Variants in PRDM11 observed in about 807,000 individuals in gnomAD.
PRDM11 encodes PR/SET domain 11.
Under a neutral mutation model 97.8 loss-of-function variants are expected in PRDM11, and 20 were observed. The observed-to-expected ratio is 0.20, with a 90% CI of 0.14 to 0.30. PRDM11 has a LOEUF of 0.30. Among genes scored for constraint, PRDM11 ranks in the 10% least tolerant of loss-of-function variants. The pLI is 1.00. For missense variants in PRDM11, 1,139 were observed against 1,555.2 expected (o/e 0.73, Z 4.50); for synonymous variants, 599 against 637.7 (o/e 0.94, Z 0.91).
rs1565352080 is a variant in PRDM11 at position 45,227,201 on chromosome 11, C to A, written c.2576C>A (p.Ala859Glu). The A allele has an allele frequency of 6.5e-7, 1 of 1,533,982 alleles. No individual in the cohort carries two copies. The highest frequency in any genetic ancestry group is 2.4e-5 in the East Asian group (1 of 40,916). Residue 859 changes from alanine (A) to glutamate (E), a missense_variant, in exon 8 of 8, where the codon GCA (alanine) becomes GAA (glutamate). By Grantham distance (107) the Ala-to-Glu change is moderately radical. Coordinates refer to ENST00000683152, the MANE Select transcript of PRDM11 (RefSeq NM_001384648.1). This position sits in a 1 kb window ranked among gnomAD's most constrained non-coding sequence, Gnocchi z 8.0. ...LKEVSSQTQRADASAIALALL... is the reference protein window; with the variant it reads ...LKEVSSQTQREDASAIALALL... ...GAGGTCAGCAGCCAGACCCAGCGGGCAGACGCCTCGGCCATCGCACTGGCC... is the reference window on the plus strand; with the variant it reads ...GAGGTCAGCAGCCAGACCCAGCGGGAAGACGCCTCGGCCATCGCACTGGCC...
intron 1 of PRDM11, among the ~76,000 whole-genome samples, chr11:45,102,636 C>T (rs1388366324): frequency 3.3e-5 from 5 of 152,088 alleles, no homozygotes; most frequent in Non-Finnish European, 5.9e-5. Context: ...CCCCTTGCAC[C>T]GTGCCACAGC....
chr11:45,151,308 C>G (rs1851653759), intron 1 of PRDM11, among the ~76,000 whole-genome samples: 2 of 152,322 alleles, frequency 1.3e-5, no homozygotes, highest in East Asian at 1.9e-4. Flanking sequence ...GACCCTGGAG[C>G]TGTGCTGGAA....
intron 1 of PRDM11, among the ~76,000 whole-genome samples, chr11:45,167,011 ATTGT>A (rs1411965879): frequency 2.6e-5 from 4 of 152,124 alleles, no homozygotes; most frequent in Non-Finnish European, 5.9e-5. Context: ...GCTCATTCAT[ATTGT>A]TTGTTACTCT....
intron 1 of PRDM11, among the ~76,000 whole-genome samples, chr11:45,116,374 G>T (rs1852302504): frequency 6.6e-6 from 1 of 152,074 alleles, no homozygotes; most frequent in Non-Finnish European, 1.5e-5. Context: ...CATTCACCAA[G>T]ACATACCACA....
At chr11:45,162,463 G>A (rs1414023416) in intron 1 of PRDM11, among the ~76,000 whole-genome samples, 1 of 152,176 alleles carries the variant, frequency 6.6e-6, no homozygotes, top group Non-Finnish European at 1.5e-5. Flanking sequence ...CACAGAGCCT[G>A]CTGCTGGGTC....
intron 4 of PRDM11, among the ~76,000 whole-genome samples, chr11:45,184,572 C>A (rs1376402460): frequency 6.6e-6 from 1 of 152,074 alleles, no homozygotes; most frequent in Non-Finnish European, 1.5e-5. Context: ...GACTAACTGG[C>A]CTAAGGAAGG....
chr11:45,097,540 C>A (rs1343578722), intron 1 of PRDM11, among the ~76,000 whole-genome samples: 12 of 152,168 alleles, frequency 7.9e-5, no homozygotes, highest in African/African-American at 2.7e-4. Flanking sequence ...CAAGATCACA[C>A]AGGGGTAATG....
intron 7 of PRDM11, 137 bp downstream of exon 7, chr11:45,224,980 G>T (rs1483212956): frequency 6.6e-7 from 1 of 1,523,098 alleles, no homozygotes; most frequent in African/African-American, 1.4e-5. Flanking sequence ...TACCTCCGTG[G>T]GTGGGAGCCC....
At chr11:45,185,957 G>A (rs1852689726) in intron 4 of PRDM11, among the ~76,000 whole-genome samples, 1 of 151,918 alleles carries the variant, frequency 6.6e-6, no homozygotes, top group Non-Finnish European at 1.5e-5. Context: ...GGGATTGGAG[G>A]ATGCTGCTCT....
chr11:45,191,390 T>C (rs1852908433), intron 4 of PRDM11, among the ~76,000 whole-genome samples: 1 of 152,228 alleles, frequency 6.6e-6, no homozygotes, highest in Admixed American at 6.5e-5. Flanking sequence ...AAATGATTTT[T>C]CTATTTTTTC....
intron 1 of PRDM11, chr11:45,096,008 G>A: frequency 2.8e-6 from 2 of 705,966 alleles, no homozygotes; most frequent in South Asian, 3.0e-5. Context: ...GCCCCTGCTT[G>A]TTGTCATCTT....
At chr11:45,220,199 G>A (rs1005914032) in intron 6 of PRDM11, among the ~76,000 whole-genome samples, 17 of 152,324 alleles carry the variant, frequency 1.1e-4, no homozygotes, top group African/African-American at 3.8e-4. Flanking sequence ...TCAGAGGCCT[G>A]TTGGGTATCT....
At chr11:45,214,946 G>A (rs562557246) in intron 5 of PRDM11, among the ~76,000 whole-genome samples, 1 of 152,340 alleles carries the variant, frequency 6.6e-6, no homozygotes, top group South Asian at 2.1e-4. Flanking sequence ...AGGAAAGGAA[G>A]GGCATGCATG....
At chr11:45,225,594 A>C (rs575545939) in intron 7 of PRDM11, among the ~76,000 whole-genome samples, 1 of 152,320 alleles carries the variant, frequency 6.6e-6, no homozygotes, top group East Asian at 1.9e-4. Context: ...TGTTCACATT[A>C]ATGAAGGGCA....
In PRDM11 at chr11:45,179,323, T is replaced by C. The variant is rs182943641; in HGVS notation, c.-6-2438T>C. 3.5e-3 allele frequency among the ~76,000 whole-genome samples: 533 copies of C among 152,314 alleles called. 10 individuals carry two copies. The highest frequency in any genetic ancestry group is 4.1e-3 in the Non-Finnish European group (282 of 68,020). ...TCCTGATCAGCATTCTTTAGTGGGA[T>C]GTGCAGAGACTGGCCCCTCCACACT... On this transcript the variant is annotated intron_variant, in intron 1 of 7. Transcript: ENST00000683152.
chr11:45,149,128 C>A (rs1221183031), intron 1 of PRDM11, among the ~76,000 whole-genome samples: 1 of 152,204 alleles, frequency 6.6e-6, no homozygotes, highest in Non-Finnish European at 1.5e-5. Context: ...GTCAAGCCAT[C>A]GCTGTCTCTC....
At chr11:45,181,276 C>T (rs1374694580) in intron 1 of PRDM11, among the ~76,000 whole-genome samples, 5 of 152,184 alleles carry the variant, frequency 3.3e-5, no homozygotes, top group Admixed American at 6.5e-5. Context: ...TCTGAGCTGG[C>T]AAAGGGGCCT....
At chr11:45,177,598 A>T (rs1328311014) in intron 1 of PRDM11, among the ~76,000 whole-genome samples, 3 of 152,120 alleles carry the variant, frequency 2.0e-5, no homozygotes, top group African/African-American at 7.2e-5. Context: ...TGTCTATTTC[A>T]AAGTAGAGAT....
At chr11:45,137,164 A>AAAACAAAC (rs374207641) in intron 1 of PRDM11, among the ~76,000 whole-genome samples, 1,625 of 148,212 alleles carry the variant, frequency 0.011, 20 homozygotes, top group African/African-American at 0.039. Context: ...CTCTGTCTCA[A>AAAACAAAC]AAACAAACAA....
Sources: allele counts gnomAD v4.1 joint callset (sites outside exome capture counted in the v4.1 genomes callset), GRCh38; gene constraint gnomAD v4.1.1; non-coding constraint Gnocchi (gnomAD v3.1); transcripts MANE v1.5; gene names NCBI Gene and HGNC (gene_info 2026-07-23, HGNC 2026-07-21).